Variants in DENND4C observed in about 807,000 individuals in gnomAD.
DENND4C encodes the protein DENN domain containing 4C, also known as DENN domain-containing protein 4C.
A neutral mutation model predicts 203.0 loss-of-function variants in DENND4C; 108 were observed. That is an observed-to-expected ratio of 0.53 (90% CI 0.46 to 0.62). The LOEUF (loss-of-function observed/expected upper bound fraction) is 0.62. Among genes scored for constraint, DENND4C ranks in the 20% least tolerant of loss-of-function variants. DENND4C has a pLI of 0.00. For synonymous variants in DENND4C, 871 were observed against 792.4 expected, an observed-to-expected ratio of 1.10 and a Z score of -1.67; for missense variants, 2,481 against 2,301.2, an observed-to-expected ratio of 1.08 and a Z score of -1.60.
At position 19,352,267 on chromosome 9, in the gene DENND4C, C is replaced by A. The variant is rs1824315709; in HGVS notation, c.4605+85C>A. ...TGGCATTTAACAGGATTCTAAGATA[C>A]CCTTGTGGACAGTATAATAAAATAA... On this transcript the variant is annotated intron_variant, in intron 25 of 32. Transcript: ENST00000434457. The A allele has an allele frequency of 7.9e-6, 10 of 1,267,238 alleles. No homozygotes were observed. The South Asian group carries it at 9.3e-5, about 12-fold the overall frequency. 78.5% of individuals were successfully genotyped at this position (1,267,238 alleles called of 1,614,324 possible).
rs758662462 is a variant in DENND4C, at chr9:19,350,750, A to G, written c.4366A>G (p.Ile1456Val). Residue 1456 changes from isoleucine (I) to valine (V), a missense_variant, in exon 24 of 33, where the codon ATT (isoleucine) becomes GTT (valine). Coordinates refer to ENST00000434457, the MANE Select transcript of DENND4C (RefSeq NM_001330640.2). ...CTTCCCAGCTGGCCTAGAAGACCAT[A>G]TTTTGGGGGAGAATATATCGCCTAA... is the stretch of plus-strand genomic sequence containing the variant. ...YSFPAGLEDH[I>V]LGENISPNTS... 3 of 1,613,838 alleles carry G rather than the reference A, an allele frequency of 1.9e-6. No individual in the cohort carries two copies. The highest frequency in any genetic ancestry group is 1.3e-5 in the African/African-American group (1 of 74,924).
At chr9:19,250,441 G>T (rs1047962403) in intron 1 of DENND4C, among the ~76,000 whole-genome samples, 8 of 152,012 alleles carry the variant, frequency 5.3e-5, no homozygotes, top group Non-Finnish European at 1.2e-4. Context: ...TGACCAGGCT[G>T]GTCTTGAACT....
At chr9:19,304,901 ATAAT>A (rs1225511367) in intron 9 of DENND4C, among the ~76,000 whole-genome samples, 1 of 151,286 alleles carries the variant, frequency 6.6e-6, no homozygotes, top group Non-Finnish European at 1.5e-5. Context: ...TCCCTGGAAA[ATAAT>A]TAGTTTTTTT....
At chr9:19,279,808 C>G (rs1049897905) in intron 2 of DENND4C, among the ~76,000 whole-genome samples, 6 of 151,924 alleles carry the variant, frequency 3.9e-5, no homozygotes, top group Admixed American at 1.3e-4. Context: ...AGCACTCCAG[C>G]GTGGGCAACA....
chr9:19,342,494 C>A, intron 21 of DENND4C, 139 bp from the exon 22 acceptor site: 1 of 788,088 alleles, frequency 1.3e-6, no homozygotes, highest in Non-Finnish European at 1.8e-6. Context: ...CAGACACAGT[C>A]TATTTTACTT....
At chr9:19,342,555 A>G (rs541835147) in intron 21 of DENND4C, 78 bp from the exon 22 acceptor site, 14 of 1,402,416 alleles carry the variant, frequency 1.0e-5, no homozygotes, top group East Asian at 7.5e-5. Flanking sequence ...AATACATACA[A>G]TATCTAAAAG....
At chr9:19,248,619 ACCT>A (rs924787831) in intron 1 of DENND4C, among the ~76,000 whole-genome samples, 1 of 151,888 alleles carries the variant, frequency 6.6e-6, no homozygotes, top group Non-Finnish European at 1.5e-5. Flanking sequence ...CGAACTCCCG[ACCT>A]CAGATGATCT....
Position 19,276,356 on chromosome 9 carries a change from AC to A in DENND4C, c.183del (p.Tyr61Ter), listed in dbSNP as rs1832901015. ...KSAGETVPEG[Y>X]TCVEATPSAL... is the part of the protein sequence containing the mutation. ...GCTGGAGAAACAGTACCTGAAGGTT[AC>A]ACCTGTGTAGAAGCCACTCCATCAG... is the stretch of plus-strand genomic sequence containing the variant. On this transcript the variant is annotated frameshift_variant, in exon 2 of 33. Transcript: ENST00000434457. LOFTEE classifies it high-confidence loss of function. 8.1e-7 allele frequency: 1 copy of A among 1,232,010 alleles called. No individual in the cohort carries two copies. The allele number at this position is 1,232,010 out of a possible 1,614,324, so 76.3% of individuals were successfully genotyped here.
intron 1 of DENND4C, among the ~76,000 whole-genome samples, chr9:19,274,782 A>C (rs1293657871): frequency 6.6e-6 from 1 of 152,232 alleles, no homozygotes; most frequent in Admixed American, 6.5e-5. Flanking sequence ...AAACTGCTTT[A>C]ATGATATTTA....
At chr9:19,296,623 G>C (rs1269494050) in intron 6 of DENND4C, among the ~76,000 whole-genome samples, 1 of 152,150 alleles carries the variant, frequency 6.6e-6, no homozygotes, top group Non-Finnish European at 1.5e-5. Flanking sequence ...AAAGTGCTGG[G>C]ATTACAGGCA....
chr9:19,373,183 CAACATA>C lies in DENND4C; in HGVS notation c.*1012_*1017del, dbSNP rs1423888362. Reference sequence around the variant, plus strand: ...GCAAAAACCGCAATTATTTTTGTACCAACATAATACACCTTTCATATTATGTATTAT... The same window carrying C: ...GCAAAAACCGCAATTATTTTTGTACCATACACCTTTCATATTATGTATTAT... On this transcript the variant is annotated 3_prime_UTR_variant, in exon 33 of 33. Transcript: ENST00000434457. 15 of 152,050 alleles carry C rather than the reference CAACATA, an allele frequency of 9.9e-5. 1 individual carries two copies. The East Asian group carries it at 2.9e-3, about 29-fold the overall frequency. 9.4% of individuals were successfully genotyped at this position (152,050 alleles called of 1,614,324 possible).
intron 15 of DENND4C, among the ~76,000 whole-genome samples, chr9:19,327,782 T>A (rs570611821): frequency 1.3e-5 from 2 of 152,230 alleles, no homozygotes; most frequent in African/African-American, 4.8e-5. Context: ...AAGTAAGATA[T>A]CAGAGTTTTC....
intron 1 of DENND4C, among the ~76,000 whole-genome samples, chr9:19,273,720 A>C (rs529129480): frequency 4.6e-5 from 7 of 152,038 alleles, no homozygotes; most frequent in African/African-American, 1.5e-4. Context: ...CCAGAAGTTG[A>C]TATCAGTACA....
At chr9:19,326,471 C>G (rs1817859887) in intron 15 of DENND4C, among the ~76,000 whole-genome samples, 1 of 152,054 alleles carries the variant, frequency 6.6e-6, no homozygotes, top group Admixed American at 6.5e-5. Context: ...ATGAGGCTCC[C>G]TGCTCCCTTT....
At chr9:19,284,002 T>C (rs1564118229) in intron 2 of DENND4C, among the ~76,000 whole-genome samples, 1 of 152,218 alleles carries the variant, frequency 6.6e-6, no homozygotes, top group Admixed American at 6.5e-5. Flanking sequence ...GTTCTTTTGT[T>C]TTTTGAGAAA....
chr9:19,368,715 G>A (rs1337014888), intron 30 of DENND4C, among the ~76,000 whole-genome samples: 1 of 152,204 alleles, frequency 6.6e-6, no homozygotes, highest in Non-Finnish European at 1.5e-5. Context: ...CAGGAGGATT[G>A]CTTGAGCCCA....
intron 23 of DENND4C, among the ~76,000 whole-genome samples, chr9:19,347,743 T>G (rs1823223790): frequency 6.6e-6 from 1 of 152,252 alleles, no homozygotes; most frequent in African/African-American, 2.4e-5. Context: ...CTTTGAAAGC[T>G]CTAATGATTA....
At position 19,346,355 on chromosome 9, in the gene DENND4C, C is replaced by T. The variant is rs1045450802; in HGVS notation, c.3586C>T (p.Pro1196Ser). The T allele has an allele frequency of 2.5e-6, 4 of 1,613,976 alleles. No homozygotes were observed. The highest frequency in any genetic ancestry group is 3.4e-6 in the Non-Finnish European group (4 of 1,180,026). Reference protein sequence around the residue: ...ELLEPVVDDVPKTTATVDTYE... With the variant: ...ELLEPVVDDVSKTTATVDTYE... ...CCTTGAGCCTGTGGTTGATGACGTA[C>T]CTAAAACTACTGCAACAGTAGATAC... Residue 1196 changes from proline (P) to serine (S), a missense_variant, in exon 23 of 33, where the codon CCT (proline) becomes TCT (serine). By Grantham distance (74) the Pro-to-Ser change is moderately conservative (BLOSUM62 -1). Coordinates refer to ENST00000434457, the MANE Select transcript of DENND4C (RefSeq NM_001330640.2).
intron 10 of DENND4C, among the ~76,000 whole-genome samples, chr9:19,310,993 C>T (rs1840625397): frequency 6.6e-6 from 1 of 152,078 alleles, no homozygotes; most frequent in Non-Finnish European, 1.5e-5. Context: ...TGATGTATGG[C>T]TTTTTAGTTG....
Sources: allele counts gnomAD v4.1 joint callset (sites outside exome capture counted in the v4.1 genomes callset), GRCh38; gene constraint gnomAD v4.1.1; transcripts MANE v1.5; gene names NCBI Gene and HGNC (gene_info 2026-07-23, HGNC 2026-07-21).